Variants in RAP1GAP2 observed in about 807,000 individuals in gnomAD.
RAP1GAP2 encodes the protein RAP1 GTPase activating protein 2, also known as rap1 GTPase-activating protein 2.
A neutral mutation model predicts 95.0 loss-of-function variants in RAP1GAP2; 27 were observed. The observed-to-expected ratio is 0.28, with a 90% CI of 0.21 to 0.39. The LOEUF (loss-of-function observed/expected upper bound fraction) is 0.39, where lower values mean the gene tolerates loss of function less well. Among genes scored for constraint, RAP1GAP2 ranks in the 10% least tolerant of loss-of-function variants. The pLI is 1.00. For missense variants in RAP1GAP2, 771 were observed against 970.0 expected, an observed-to-expected ratio of 0.79 and a Z score of 2.72; for synonymous variants, 373 against 380.9, an observed-to-expected ratio of 0.98 and a Z score of 0.24.
chr17:2,978,400 GTGAC>G (rs1225643805), intron 8 of RAP1GAP2, among the ~76,000 whole-genome samples: 3 of 152,182 alleles, frequency 2.0e-5, no homozygotes, highest in Non-Finnish European at 2.9e-5. Flanking sequence ...TGGCTGATAA[GTGAC>G]TGATGGGTAG....
At chr17:2,929,824 T>A (rs144238940) in intron 3 of RAP1GAP2, among the ~76,000 whole-genome samples, 1,819 of 152,062 alleles carry the variant, frequency 0.012, 37 homozygotes, top group African/African-American at 0.04. Context: ...GTCCTGAGGG[T>A]GCGTGCCCAG....
chr17:2,773,132 C>T (rs2151437186), upstream of RAP1GAP2, among the ~76,000 whole-genome samples: 1 of 152,194 alleles, frequency 6.6e-6, no homozygotes, highest in South Asian at 2.1e-4. Flanking sequence ...GCCACTGTGC[C>T]CAGCCTCTTT....
chr17:2,974,171 C>T (rs1028249325), intron 8 of RAP1GAP2, among the ~76,000 whole-genome samples: 1 of 139,482 alleles, frequency 7.2e-6, no homozygotes, highest in Admixed American at 7.5e-5. Flanking sequence ...GAAACCCTGT[C>T]TCTACTAAAA....
At chr17:2,823,228 AG>A (rs1442985759) in intron 2 of RAP1GAP2, among the ~76,000 whole-genome samples, 4 of 152,112 alleles carry the variant, frequency 2.6e-5, no homozygotes, top group Non-Finnish European at 4.4e-5. Flanking sequence ...CCTATCGGCC[AG>A]GGAGTCAATG....
At position 3,026,074 on chromosome 17, in the gene RAP1GAP2, G is replaced by C; in HGVS notation, c.1818G>C (p.Glu606Asp). ...GGHSSQEIKSETSSNPSSPEI... is the reference protein window; with the variant it reads ...GGHSSQEIKSDTSSNPSSPEI... ...ACTCCTCTCAGGAGATAAAGTCTGAGACCTCATCCAATCCCAGCTCTCCGG... is the reference window on the plus strand; with the variant it reads ...ACTCCTCTCAGGAGATAAAGTCTGACACCTCATCCAATCCCAGCTCTCCGG... The change falls in exon 20 of 25, where the codon GAG (glutamate) becomes GAC (aspartate). Residue 606 changes from glutamate (E) to aspartate (D), a missense_variant. Glu to Asp is a conservative substitution (Grantham distance 45). Coordinates refer to ENST00000254695, the MANE Select transcript of RAP1GAP2 (RefSeq NM_015085.5). 6.2e-7 allele frequency: 1 copy of C among 1,613,760 alleles called. No homozygotes were observed. Among genetic ancestry groups the C allele is most frequent in the Non-Finnish European group, 8.5e-7 (1 of 1,179,722 alleles).
Position 2,825,814 on chromosome 17 carries a change from GA to G in RAP1GAP2, c.80+25265del, listed in dbSNP as rs2070524315. 6.6e-6 allele frequency among the ~76,000 whole-genome samples: 1 copy of G among 152,124 alleles called. No individual in the cohort carries two copies. The highest frequency in any genetic ancestry group is 2.4e-5 in the African/African-American group (1 of 41,452). Reference sequence around the variant, plus strand: ...GAACTCACAGTCTCTGGAGGAAACAGACATTTAACAGTCATCTGCAAAGCAT... The same window carrying G: ...GAACTCACAGTCTCTGGAGGAAACAGCATTTAACAGTCATCTGCAAAGCAT... On this transcript the variant is annotated intron_variant, in intron 2 of 24. Coordinates refer to ENST00000254695, the MANE Select transcript of RAP1GAP2 (RefSeq NM_015085.5). This position sits in a 1 kb window ranked among gnomAD's most constrained non-coding sequence, Gnocchi z 4.1.
At chr17:2,845,496 T>C (rs2071544399) in intron 2 of RAP1GAP2, among the ~76,000 whole-genome samples, 1 of 152,256 alleles carries the variant, frequency 6.6e-6, no homozygotes, top group Admixed American at 6.5e-5. Context: ...AGAACATTTC[T>C]GTCTGTCCAG....
chr17:3,012,381 G>C (rs1157812747), intron 17 of RAP1GAP2, among the ~76,000 whole-genome samples: 1 of 151,970 alleles, frequency 6.6e-6, no homozygotes, highest in Non-Finnish European at 1.5e-5. Flanking sequence ...ACTTTGGGAG[G>C]CCGAGGCAGG....
At chr17:2,880,336 G>C (rs964616071) in intron 2 of RAP1GAP2, among the ~76,000 whole-genome samples, 9 of 151,576 alleles carry the variant, frequency 5.9e-5, no homozygotes, top group Non-Finnish European at 1.3e-4. Context: ...GGGAGATGAG[G>C]CTGGGTGGGG....
intron 2 of RAP1GAP2, among the ~76,000 whole-genome samples, chr17:2,808,833 G>A (rs16952448): frequency 0.12 from 17,751 of 152,244 alleles, 1,319 homozygotes; most frequent in Non-Finnish European, 0.18. Context: ...ACGTGTAGGC[G>A]TGTGTGCACG....
At chr17:2,888,625 C>T (rs1296494189) in intron 2 of RAP1GAP2, among the ~76,000 whole-genome samples, 1 of 150,310 alleles carries the variant, frequency 6.7e-6, no homozygotes, top group Admixed American at 6.7e-5. Context: ...TGGATAGTAT[C>T]GTGCATATAT....
chr17:2,928,640 G>T (rs1016175608), intron 3 of RAP1GAP2, among the ~76,000 whole-genome samples: 16 of 152,190 alleles, frequency 1.1e-4, no homozygotes, highest in Middle Eastern at 3.2e-3. Flanking sequence ...GGCAGGGCGA[G>T]TAAACAGGCA....
At chr17:2,886,171 A>ATTT in intron 2 of RAP1GAP2, among the ~76,000 whole-genome samples, 1 of 123,350 alleles carries the variant, frequency 8.1e-6, no homozygotes, top group Non-Finnish European at 1.6e-5. Flanking sequence ...GTATATATAT[A>ATTT]TTTTTTTTTT....
chr17:2,999,232 C>T (rs549381357), intron 14 of RAP1GAP2, among the ~76,000 whole-genome samples: 1 of 152,262 alleles, frequency 6.6e-6, no homozygotes. Flanking sequence ...CTCTGCTCCA[C>T]GAGAAAGAAT....
chr17:2,969,727 C>T (rs2044775431), intron 8 of RAP1GAP2, among the ~76,000 whole-genome samples: 1 of 151,830 alleles, frequency 6.6e-6, no homozygotes, highest in African/African-American at 2.4e-5. Context: ...TTGTCCCGAA[C>T]TCCTGACCTC....
At chr17:3,021,707 T>G (rs1274210378) in intron 19 of RAP1GAP2, among the ~76,000 whole-genome samples, 1 of 152,234 alleles carries the variant, frequency 6.6e-6, no homozygotes, top group African/African-American at 2.4e-5. Context: ...AGTGTTGGGA[T>G]TACAGGCGTG....
upstream of RAP1GAP2, among the ~76,000 whole-genome samples, chr17:2,792,152 G>A (rs906328744): frequency 6.6e-6 from 1 of 152,108 alleles, no homozygotes; most frequent in South Asian, 2.1e-4. Flanking sequence ...GAGACAGTGC[G>A]CCTGGCCGCT....
Position 2,968,632 on chromosome 17 carries a change from TTGTC to T in RAP1GAP2, c.596+2993_596+2996del, listed in dbSNP as rs201187105. ...TAAGAGAAGACAAAGAAAACACACT[TTGTC>T]TGTAGAAAAAGAAAACAAAGGAATA... On this transcript the variant is annotated intron_variant, in intron 8 of 24. Coordinates refer to ENST00000254695, the MANE Select transcript of RAP1GAP2 (RefSeq NM_015085.5). Among the ~76,000 whole-genome samples, 819 of 152,130 alleles carry T rather than the reference TTGTC, an allele frequency of 5.4e-3. 8 individuals are homozygous for T. The highest frequency in any genetic ancestry group is 0.019 in the African/African-American group (786 of 41,470).
rs1290591389 is a variant in RAP1GAP2 at position 3,004,728 on chromosome 17, A to G, written c.1201-641A>G. ...GTGTGTGGGGCCAGGGCTCCCGAAC[A>G]CGGGTCCACCGGCTGCACGAGAGTT... On this transcript the variant is annotated intron_variant, in intron 14 of 24. Transcript: ENST00000254695. This position sits in a 1 kb window ranked among gnomAD's most constrained non-coding sequence, Gnocchi z 4.1. Among the ~76,000 whole-genome samples, 1 of 152,230 alleles carries G rather than the reference A, an allele frequency of 6.6e-6. No homozygotes were observed. Among genetic ancestry groups the G allele is most frequent in the African/African-American group, 2.4e-5 (1 of 41,456 alleles).
Sources: allele counts gnomAD v4.1 joint callset (sites outside exome capture counted in the v4.1 genomes callset), GRCh38; gene constraint gnomAD v4.1.1; non-coding constraint Gnocchi (gnomAD v3.1); transcripts MANE v1.5; gene names NCBI Gene and HGNC (gene_info 2026-07-23, HGNC 2026-07-21).